The following LIM2 variants were observed in gnomAD, a reference collection of about 807,000 sequenced individuals.
LIM2 encodes lens intrinsic membrane protein 2.
Under a neutral mutation model 19.0 loss-of-function variants are expected in LIM2, and 14 were observed. That is an observed-to-expected ratio of 0.74 (90% CI 0.49 to 1.15). LIM2 has a LOEUF of 1.15. Ranked by LOEUF, LIM2 falls within the 50% of genes most tolerant of loss-of-function variation. The probability of loss-of-function intolerance (pLI) is 0.00; values close to 1 mark genes in which losing one functional copy is unlikely to be tolerated. For synonymous variants in LIM2, 78 were observed against 89.6 expected (o/e 0.87, Z 0.73); for missense variants, 230 against 243.5 (o/e 0.94, Z 0.37).
chr19:51,386,516 T>A (rs1178466740), intron 2 of LIM2, among the ~76,000 whole-genome samples: 1 of 148,376 alleles, frequency 6.7e-6, no homozygotes, highest in African/African-American at 2.5e-5. Flanking sequence ...ATATACATTA[T>A]TAATTTATTA....
intron 2 of LIM2, among the ~76,000 whole-genome samples, chr19:51,384,403 C>A (rs1986977502): frequency 6.6e-6 from 1 of 152,098 alleles, no homozygotes; most frequent in Non-Finnish European, 1.5e-5. Context: ...TGCCCTCCAG[C>A]CTGGGTGGCA....
In LIM2 at chr19:51,382,566, T is replaced by C. The variant is rs756579930; in HGVS notation, c.177A>G (p.Ala59=). 5.6e-6 allele frequency: 9 copies of C among 1,613,346 alleles called. No individual in the cohort carries two copies. The highest frequency in any genetic ancestry group is 7.6e-6 in the Non-Finnish European group (9 of 1,179,828). Residue 59 remains alanine (A), a splice_region_variant and synonymous_variant, in exon 3 of 5, where the codon GCA becomes GCG. Coordinates refer to ENST00000596399, the MANE Select transcript of LIM2 (RefSeq NM_001161748.2). ...NKCYLQTDSI[A]YWNATRAFMI... The stretch of plus-strand genomic sequence containing the variant: ...TGAAGGCCCGGGTGGCATTCCAGTA[T>C]GCTGTGGGAGCACCCCATGGTCATT...
intron 2 of LIM2, among the ~76,000 whole-genome samples, chr19:51,385,480 C>A (rs1987013440): frequency 1.3e-5 from 2 of 152,124 alleles, no homozygotes; most frequent in African/African-American, 4.8e-5. Context: ...CGAGATAGTG[C>A]CATTGCACTC....
At chr19:51,382,272 G>T in intron 3 of LIM2, 146 bp downstream of exon 3, 1 of 805,110 alleles carries the variant, frequency 1.2e-6, no homozygotes, top group Non-Finnish European at 2.1e-6. Flanking sequence ...TCATGAGGTT[G>T]GTTTTGAGTG....
At chr19:51,387,824 G>C in intron 1 of LIM2, 95 bp downstream of exon 1, 1 of 281,852 alleles carries the variant, frequency 3.5e-6, no homozygotes, top group Non-Finnish European at 6.8e-6. Flanking sequence ...GGGCTAGGGG[G>C]TAGGACACCA....
Position 51,380,096 on chromosome 19 carries a change from C to G in LIM2, c.*105G>C, listed in dbSNP as rs1039942250. 1.0e-5 allele frequency: 11 copies of G among 1,061,492 alleles called. No individual in the cohort carries two copies. The African/African-American group carries it at 1.6e-4, about 15-fold the overall frequency. The allele number at this position is 1,061,492 out of a possible 1,614,324, so 65.8% of individuals were successfully genotyped here. The stretch of plus-strand genomic sequence containing the variant: ...ACAAACCCACAGTCCAGAACTGAGC[C>G]CCCTCATTCCCCTAGGAACCAGGAT... On this transcript the variant is annotated 3_prime_UTR_variant, in exon 5 of 5. Transcript: ENST00000596399.
chr19:51,380,412 G>A (rs1986863727), intron 4 of LIM2, 93 bp downstream of exon 4: 4 of 1,594,610 alleles, frequency 2.5e-6, no homozygotes, highest in Non-Finnish European at 8.6e-7. Flanking sequence ...ACCCAGTGCT[G>A]TGGGACTCAT....
chr19:51,386,008 T>A (rs956908027), intron 2 of LIM2, among the ~76,000 whole-genome samples: 10 of 152,120 alleles, frequency 6.6e-5, no homozygotes, highest in African/African-American at 2.4e-4. Context: ...TGGAAGTGAG[T>A]TTATCCATGT....
At position 51,380,025 on chromosome 19, in the gene LIM2, C is replaced by T; in HGVS notation, c.*176G>A. ...TCTTCTCAGCTCCCTCCCATGGGCC[C>T]TATTCTTCCTCCTTCCAGCCTAGGA... On this transcript the variant is annotated 3_prime_UTR_variant, in exon 5 of 5. Transcript: ENST00000596399. The T allele has an allele frequency of 1.5e-6, 1 of 657,658 alleles. No homozygotes were observed. Among genetic ancestry groups the T allele is most frequent in the Non-Finnish European group, 2.7e-6 (1 of 367,896 alleles). The allele number at this position is 657,658 out of a possible 1,614,324, so 40.7% of individuals were successfully genotyped here.
intron 3 of LIM2, among the ~76,000 whole-genome samples, chr19:51,381,940 G>A (rs752848457): frequency 2.6e-5 from 4 of 152,224 alleles, no homozygotes; most frequent in Non-Finnish European, 5.9e-5. Flanking sequence ...ATGTTGGCCA[G>A]GCTAGTCTCA....
chr19:51,382,803 C>G (rs376299231), intron 2 of LIM2, among the ~76,000 whole-genome samples: 1 of 152,088 alleles, frequency 6.6e-6, no homozygotes, highest in Non-Finnish European at 1.5e-5. Context: ...CATCTTCACC[C>G]ACGGCTAAGG....
Position 51,382,485 on chromosome 19 carries a change from G to A in LIM2, c.258C>T (p.Phe86=), listed in dbSNP as rs201810597. Residue 86 remains phenylalanine, a synonymous_variant, in exon 3 of 5, where the codon TTC becomes TTT. Coordinates refer to ENST00000596399, the MANE Select transcript of LIM2 (RefSeq NM_001161748.2). Reference sequence around the variant, plus strand: ...TGCGGGAGAAGGTAGGCTGATGAGCGAAGGCCATGATGCCCATGATGATGC... The same window carrying A: ...TGCGGGAGAAGGTAGGCTGATGAGCAAAGGCCATGATGCCCATGATGATGC... ...ISGIIMGIMA[F]AHQPTFSRIS... 1.1e-5 allele frequency: 17 copies of A among 1,613,986 alleles called. No homozygotes were observed. Among genetic ancestry groups the A allele is most frequent in the East Asian group, 8.9e-5 (4 of 44,854 alleles).
chr19:51,379,988 C>T lies in LIM2; in HGVS notation c.*213G>A, dbSNP rs1041741736. 1.5e-5 allele frequency: 9 copies of T among 604,950 alleles called. No individual in the cohort carries two copies. The highest frequency in any genetic ancestry group is 4.0e-5 in the South Asian group (2 of 50,290). The allele number at this position is 604,950 out of a possible 1,614,324, so 37.5% of individuals were successfully genotyped here. On this transcript the variant is annotated 3_prime_UTR_variant, in exon 5 of 5. Coordinates refer to ENST00000596399, the MANE Select transcript of LIM2 (RefSeq NM_001161748.2). ...TTTTTCTAACAACCTGCCAGGCAGA[C>T]GGGGACTTGAGTCTTCTCAGCTCCC...
chr19:51,384,888 G>T (rs1599862657), intron 2 of LIM2, among the ~76,000 whole-genome samples: 1 of 151,756 alleles, frequency 6.6e-6, no homozygotes, highest in Non-Finnish European at 1.5e-5. Flanking sequence ...TTTGAGACAG[G>T]GTCTTGCTCT....
rs977793173 is a variant in LIM2, at chr19:51,380,206, G to A, written c.517C>T (p.Arg173Cys). 1.9e-5 allele frequency: 31 copies of A among 1,613,570 alleles called. No individual in the cohort carries two copies. Among genetic ancestry groups the A allele is most frequent in the African/African-American group, 2.7e-5 (2 of 74,844 alleles). The change falls in exon 5 of 5, where the codon CGC becomes TGC. Residue 173 changes from arginine to cysteine, a missense_variant. Arg to Cys is a radical substitution (Grantham distance 180, BLOSUM62 -3). Coordinates refer to ENST00000596399, the MANE Select transcript of LIM2 (RefSeq NM_001161748.2). ...VHECRRLSTP[R>C] is the part of the protein sequence containing the mutation. ...GTTGGGGGACACATTTGGGCTCAGC[G>A]GGGTGTAGACAGGCGCCGGCATTCA...
chr19:51,387,264 C>T lies in LIM2; in HGVS notation c.175+5G>A, dbSNP rs760282462. 6.2e-7 allele frequency: 1 copy of T among 1,614,186 alleles called. No individual in the cohort carries two copies. The highest frequency in any genetic ancestry group is 1.1e-5 in the South Asian group (1 of 91,086). On this transcript the variant is annotated splice_donor_5th_base_variant and intron_variant, in intron 2 of 4. Transcript: ENST00000596399. ...CGCGGCCTGGACCCTGGCCGGGGGGCTCACCGATGCTGTCTGTCTGCAGGT... is the reference window on the plus strand; with the variant it reads ...CGCGGCCTGGACCCTGGCCGGGGGGTTCACCGATGCTGTCTGTCTGCAGGT...
intron 4 of LIM2, 29 bp downstream of exon 4, chr19:51,380,476 C>A: frequency 6.2e-7 from 1 of 1,614,140 alleles, no homozygotes; most frequent in Non-Finnish European, 8.5e-7. Flanking sequence ...GCCCCAGGCA[C>A]TGACCTTCCC....
chr19:51,386,712 T>TTAA (rs66876043), intron 2 of LIM2, among the ~76,000 whole-genome samples: 22,477 of 148,864 alleles, frequency 0.15, 2,335 homozygotes, highest in East Asian at 0.35. Context: ...CTGTATATTA[T>TTAA]TGTCTATATG....
At chr19:51,384,377 G>A (rs1205235547) in intron 2 of LIM2, among the ~76,000 whole-genome samples, 1 of 152,192 alleles carries the variant, frequency 6.6e-6, no homozygotes, top group African/African-American at 2.4e-5. Context: ...GTTGCAGTGA[G>A]CCAAGATCAT....
Sources: gnomAD v4.1 joint callset for allele counts (sites outside exome capture counted in the v4.1 genomes callset) on GRCh38, gnomAD v4.1.1 for gene constraint, MANE v1.5 for transcripts, NCBI Gene and HGNC (gene_info 2026-07-23, HGNC 2026-07-21) for gene names.